The following FNIP1 variants were observed in gnomAD, a reference collection of about 807,000 sequenced individuals.
FNIP1 encodes the protein folliculin interacting protein 1, also known as folliculin-interacting protein 1.
A neutral mutation model predicts 124.5 loss-of-function variants in FNIP1; 40 were observed. The ratio of observed to expected loss-of-function variants is 0.32; its 90% CI spans 0.25 to 0.42. The LOEUF is 0.42. Ranked by LOEUF, FNIP1 falls within the 10% of genes least tolerant of loss-of-function variation. FNIP1 has a pLI of 1.00. For synonymous variants in FNIP1, 472 were observed against 470.6 expected (o/e 1.00, Z -0.04); for missense variants, 1,176 against 1,403.7 (o/e 0.84, Z 2.59).
chr5:131,737,699 T>C lies in FNIP1; in HGVS notation c.220-6661A>G, dbSNP rs373913350. On this transcript the variant is annotated intron_variant, in intron 2 of 17. Transcript: ENST00000510461. ...TATATTTACTCTTTACATGTAAAGA[T>C]AGTAAGTGCTAACGTGAGTTAGCTG... 7.9e-5 allele frequency among the ~76,000 whole-genome samples: 12 copies of C among 152,228 alleles called. No homozygotes were observed. The East Asian group carries it at 1.2e-3, about 15-fold the overall frequency.
chr5:131,688,070 C>T (rs971440558), intron 11 of FNIP1, among the ~76,000 whole-genome samples: 3 of 151,812 alleles, frequency 2.0e-5, no homozygotes, highest in Admixed American at 1.3e-4. Flanking sequence ...CTAAGAAATA[C>T]TTCCAAAGGT....
intron 10 of FNIP1, among the ~76,000 whole-genome samples, chr5:131,703,643 T>C (rs1374334375): frequency 6.6e-6 from 1 of 152,246 alleles, no homozygotes; most frequent in Non-Finnish European, 1.5e-5. Context: ...TGTCCTTTAA[T>C]AAGGGGCATT....
intron 14 of FNIP1, 115 bp downstream of exon 14, chr5:131,671,390 C>T (rs1483399386): frequency 2.3e-6 from 2 of 881,234 alleles, no homozygotes; most frequent in Non-Finnish European, 3.4e-6. Context: ...AATATGAAAA[C>T]AAGAGAGCTA....
chr5:131,687,163 T>G (rs1031188697), intron 11 of FNIP1, among the ~76,000 whole-genome samples: 2 of 151,246 alleles, frequency 1.3e-5, no homozygotes, highest in African/African-American at 4.9e-5. Flanking sequence ...TAGAGTGCAA[T>G]GGCACAATCT....
intron 1 of FNIP1, among the ~76,000 whole-genome samples, chr5:131,769,222 A>T (rs1450661759): frequency 6.6e-6 from 1 of 152,238 alleles, no homozygotes; most frequent in Non-Finnish European, 1.5e-5. Flanking sequence ...TATGAATTAC[A>T]TATTTTAAAA....
chr5:131,760,775 C>T (rs75579730), intron 1 of FNIP1, among the ~76,000 whole-genome samples: 1 of 151,960 alleles, frequency 6.6e-6, no homozygotes, highest in African/African-American at 2.4e-5. Flanking sequence ...AAAAGAGGAG[C>T]CAAGTTTCAA....
intron 1 of FNIP1, among the ~76,000 whole-genome samples, chr5:131,785,480 G>A (rs766965406): frequency 1.3e-4 from 19 of 151,834 alleles, no homozygotes; most frequent in Non-Finnish European, 2.1e-4. Context: ...ACTTGAACCC[G>A]GGAGGCGGAG....
intron 13 of FNIP1, among the ~76,000 whole-genome samples, chr5:131,673,211 C>G (rs979230701): frequency 2.6e-5 from 4 of 151,528 alleles, no homozygotes; most frequent in African/African-American, 9.7e-5. Flanking sequence ...CCATGCCTGG[C>G]TAATTTTTTG....
At chr5:131,767,079 C>T (rs1349631843) in intron 1 of FNIP1, among the ~76,000 whole-genome samples, 1 of 152,090 alleles carries the variant, frequency 6.6e-6, no homozygotes, top group African/African-American at 2.4e-5. Flanking sequence ...ACCACTACGG[C>T]TTATATCACT....
chr5:131,751,917 A>G (rs901280002), intron 1 of FNIP1, among the ~76,000 whole-genome samples: 4 of 152,236 alleles, frequency 2.6e-5, no homozygotes, highest in African/African-American at 9.6e-5. Context: ...ACCACAAACA[A>G]AAACAGCAAC....
At chr5:131,732,633 T>C (rs1561679595) in intron 2 of FNIP1, among the ~76,000 whole-genome samples, 2 of 152,216 alleles carry the variant, frequency 1.3e-5, no homozygotes, top group South Asian at 2.1e-4. Context: ...AAAGATCAGA[T>C]AGTTGTTGAT....
At chr5:131,766,152 G>A (rs1475300459) in intron 1 of FNIP1, among the ~76,000 whole-genome samples, 3 of 150,606 alleles carry the variant, frequency 2.0e-5, no homozygotes, top group African/African-American at 7.3e-5. Flanking sequence ...CTGTCACTCA[G>A]GCTGGAATAG....
Position 131,644,111 on chromosome 5 carries a change from T to C in FNIP1, c.*574A>G, listed in dbSNP as rs528900306. The C allele has an allele frequency of 4.6e-5, 7 of 152,346 alleles. No individual in the cohort carries two copies. In the South Asian group the frequency reaches 1.5e-3, roughly 32 times the overall value. 9.4% of individuals were successfully genotyped at this position (152,346 alleles called of 1,614,324 possible). ...TTTCTGCTTTTTAAAAAAAAATAGG[T>C]ACATATGTACACTTGGGTGGATAAC... On this transcript the variant is annotated 3_prime_UTR_variant, in exon 18 of 18. Coordinates refer to ENST00000510461, the MANE Select transcript of FNIP1 (RefSeq NM_133372.3).
At chr5:131,697,714 C>T (rs572861557) in intron 11 of FNIP1, among the ~76,000 whole-genome samples, 36 of 151,850 alleles carry the variant, frequency 2.4e-4, no homozygotes, top group African/African-American at 8.4e-4. Context: ...GCCTGTAATC[C>T]CAGCACTTTG....
intron 1 of FNIP1, among the ~76,000 whole-genome samples, chr5:131,765,670 T>C (rs1771396373): frequency 6.6e-6 from 1 of 152,264 alleles, no homozygotes; most frequent in Non-Finnish European, 1.5e-5. Context: ...TATTGGCTTC[T>C]GTTCCAATGG....
At chr5:131,688,257 T>C (rs1453781979) in intron 11 of FNIP1, among the ~76,000 whole-genome samples, 1 of 151,434 alleles carries the variant, frequency 6.6e-6, no homozygotes, top group Non-Finnish European at 1.5e-5. Flanking sequence ...GAAGTAGTTC[T>C]TGGGGAAAAC....
intron 2 of FNIP1, among the ~76,000 whole-genome samples, chr5:131,740,462 G>A (rs1229974819): frequency 6.6e-6 from 1 of 152,114 alleles, no homozygotes; most frequent in Non-Finnish European, 1.5e-5. Flanking sequence ...CTTTATCCTT[G>A]TTTAGAATCA....
At chr5:131,788,392 G>C (rs1014649463) in intron 1 of FNIP1, among the ~76,000 whole-genome samples, 1 of 152,128 alleles carries the variant, frequency 6.6e-6, no homozygotes, top group Non-Finnish European at 1.5e-5. Flanking sequence ...TCCAAGGCCA[G>C]GTGCAGTAGC....
intron 17 of FNIP1, 130 bp downstream of exon 17, chr5:131,646,960 C>T (rs1766902301): frequency 1.3e-6 from 1 of 744,344 alleles, no homozygotes; most frequent in South Asian, 1.7e-5. Flanking sequence ...ACAGGGCAAC[C>T]TAAATGATAA....
Sources: allele counts gnomAD v4.1 joint callset (sites outside exome capture counted in the v4.1 genomes callset), GRCh38; gene constraint gnomAD v4.1.1; transcripts MANE v1.5; gene names NCBI Gene and HGNC (gene_info 2026-07-23, HGNC 2026-07-21).